The following SEMA5A variants were observed in gnomAD, a reference collection of about 807,000 sequenced individuals.
SEMA5A encodes semaphorin-5A.
In SEMA5A, 55 loss-of-function variants were observed where a neutral mutation model predicts 135.5. The ratio of observed to expected loss-of-function variants is 0.41; its 90% confidence interval spans 0.33 to 0.51. The LOEUF is 0.51. SEMA5A is among the 20% of genes least tolerant of loss of function. The pLI, the probability that SEMA5A is intolerant of heterozygous loss-of-function variation, is 0.37. For missense variants in SEMA5A, 1,290 were observed against 1,419.9 expected (o/e 0.91, Z 1.47); for synonymous variants, 580 against 546.5 (o/e 1.06, Z -0.85).
chr5:9,397,237 T>C (rs1284163624), intron 2 of SEMA5A, among the ~76,000 whole-genome samples: 1 of 152,180 alleles, frequency 6.6e-6, no homozygotes, highest in Admixed American at 6.5e-5. Context: ...GCTGCACACA[T>C]AAATGAGTGC....
chr5:9,539,960 A>G (rs1737986512), intron 1 of SEMA5A, among the ~76,000 whole-genome samples: 1 of 152,196 alleles, frequency 6.6e-6, no homozygotes, highest in South Asian at 2.1e-4. Context: ...GTGCTAAAAA[A>G]TCAGTTTGGA....
At chr5:9,078,313 G>A (rs1260327525) in intron 16 of SEMA5A, among the ~76,000 whole-genome samples, 2 of 152,124 alleles carry the variant, frequency 1.3e-5, no homozygotes. Context: ...CATTTTTAAG[G>A]GGAAAATGTT....
chr5:9,068,260 G>A (rs73741648), intron 16 of SEMA5A, among the ~76,000 whole-genome samples: 9 of 152,310 alleles, frequency 5.9e-5, no homozygotes, highest in African/African-American at 2.2e-4. Flanking sequence ...AAGGTCTGTA[G>A]CACAGAGAAG....
At chr5:9,082,964 T>G (rs1738471209) in intron 16 of SEMA5A, among the ~76,000 whole-genome samples, 1 of 152,228 alleles carries the variant, frequency 6.6e-6, no homozygotes, top group Non-Finnish European at 1.5e-5. Context: ...AAAGGAAAAT[T>G]ATCTTCTAAA....
chr5:9,288,860 A>G (rs1402038174), intron 5 of SEMA5A, among the ~76,000 whole-genome samples: 2 of 152,234 alleles, frequency 1.3e-5, no homozygotes, highest in Non-Finnish European at 2.9e-5. Flanking sequence ...ATTTGAAAGA[A>G]GTAGAAATGA....
chr5:9,277,121 AAAAC>A (rs1375410799), intron 5 of SEMA5A, among the ~76,000 whole-genome samples: 4 of 152,208 alleles, frequency 2.6e-5, no homozygotes, highest in Non-Finnish European at 5.9e-5. Flanking sequence ...TACACGGAAA[AAAAC>A]AAACAACCCC....
intron 1 of SEMA5A, among the ~76,000 whole-genome samples, chr5:9,447,997 G>A (rs931022458): frequency 4.6e-5 from 7 of 152,058 alleles, no homozygotes; most frequent in Non-Finnish European, 7.4e-5. Context: ...TGATCCAGTC[G>A]GACACCCAAA....
At chr5:9,240,087 A>T (rs1748118979) in intron 5 of SEMA5A, among the ~76,000 whole-genome samples, 1 of 152,072 alleles carries the variant, frequency 6.6e-6, no homozygotes, top group African/African-American at 2.4e-5. Context: ...AGTTTTAAAA[A>T]ATATTTCATT....
intron 9 of SEMA5A, among the ~76,000 whole-genome samples, chr5:9,200,236 G>C (rs1806083): frequency 0.15 from 22,402 of 152,218 alleles, 1,917 homozygotes; most frequent in Admixed American, 0.26. Context: ...CTTCTGACAT[G>C]ATGGGAATTT....
At chr5:9,389,505 C>T (rs932459136) in intron 2 of SEMA5A, among the ~76,000 whole-genome samples, 1 of 152,206 alleles carries the variant, frequency 6.6e-6, no homozygotes, top group Non-Finnish European at 1.5e-5. Flanking sequence ...TAGCTAACTA[C>T]ACCATCACTC....
intron 5 of SEMA5A, among the ~76,000 whole-genome samples, chr5:9,285,266 C>T (rs188833158): frequency 6.6e-6 from 1 of 152,266 alleles, no homozygotes; most frequent in Non-Finnish European, 1.5e-5. Flanking sequence ...TGCAACTGAC[C>T]CAACTCCACA....
At chr5:9,158,921 G>T (rs1156275178) in intron 11 of SEMA5A, among the ~76,000 whole-genome samples, 4 of 150,914 alleles carry the variant, frequency 2.7e-5, no homozygotes, top group African/African-American at 9.7e-5. Context: ...ATATTCTAGG[G>T]TTACCAGATT....
intron 13 of SEMA5A, among the ~76,000 whole-genome samples, chr5:9,126,302 T>C (rs1418110665): frequency 6.6e-6 from 1 of 152,072 alleles, no homozygotes; most frequent in Non-Finnish European, 1.5e-5. Context: ...ACCCGTCTTA[T>C]TCCTCCTGCC....
Position 9,531,636 on chromosome 5 carries a change from A to G in SEMA5A, c.-175+13948T>C, listed in dbSNP as rs554463009. Among the ~76,000 whole-genome samples, 11 of 152,286 alleles carry G rather than the reference A, an allele frequency of 7.2e-5. 1 individual carries two copies. In the East Asian group the frequency reaches 2.1e-3, roughly 29 times the overall value. ...CAGGGTTTGATTGAATTGAACCTGCAACATTGGTTCAGGTCCTTGAGGCAC... is the reference window on the plus strand; with the variant it reads ...CAGGGTTTGATTGAATTGAACCTGCGACATTGGTTCAGGTCCTTGAGGCAC... On this transcript the variant is annotated intron_variant, in intron 1 of 22. Coordinates refer to ENST00000382496, the MANE Select transcript of SEMA5A (RefSeq NM_003966.3).
At chr5:9,161,646 T>C (rs1345828601) in intron 11 of SEMA5A, among the ~76,000 whole-genome samples, 1 of 152,238 alleles carries the variant, frequency 6.6e-6, no homozygotes, top group Non-Finnish European at 1.5e-5. Flanking sequence ...TGTACGGGAC[T>C]GCCTGAGGAT....
intron 5 of SEMA5A, among the ~76,000 whole-genome samples, chr5:9,273,191 T>C (rs546452541): frequency 6.6e-6 from 1 of 152,170 alleles, no homozygotes; most frequent in South Asian, 2.1e-4. Flanking sequence ...TCGTGAAGCA[T>C]ACACAAGTAT....
chr5:9,180,784 G>GA (rs75008523), intron 11 of SEMA5A, among the ~76,000 whole-genome samples: 85,555 of 151,246 alleles, frequency 0.57, 24,516 homozygotes, highest in African/African-American at 0.66. Context: ...TTAGGTGCTA[G>GA]AAAAAAAAAT....
rs189771761 is a variant in SEMA5A, at chr5:9,330,176, G to T, written c.224+7537C>A. 3.3e-5 allele frequency among the ~76,000 whole-genome samples: 5 copies of T among 151,966 alleles called. No homozygotes were observed. In the East Asian group the frequency reaches 5.8e-4, roughly 18 times the overall value. The stretch of plus-strand genomic sequence containing the variant: ...GAGGCCGAGGTGGGCGGATCGCCAG[G>T]TCAGGAGATTGAGACCATCCTGGCT... On this transcript the variant is annotated intron_variant, in intron 4 of 22. Coordinates refer to ENST00000382496, the MANE Select transcript of SEMA5A (RefSeq NM_003966.3).
At chr5:9,434,989 A>G (rs1757980274) in intron 2 of SEMA5A, among the ~76,000 whole-genome samples, 1 of 152,208 alleles carries the variant, frequency 6.6e-6, no homozygotes, top group Non-Finnish European at 1.5e-5. Flanking sequence ...TATAGTAGAG[A>G]GTCAAATATG....
Sources: gnomAD v4.1 joint callset for allele counts (sites outside exome capture counted in the v4.1 genomes callset) on GRCh38, gnomAD v4.1.1 for gene constraint, MANE v1.5 for transcripts, NCBI Gene and HGNC (gene_info 2026-07-23, HGNC 2026-07-21) for gene names.